Variants in RFX3 observed in about 807,000 individuals in gnomAD.
RFX3 encodes regulatory factor X3, also known as transcription factor RFX3.
In RFX3, 14 loss-of-function variants were observed where a neutral mutation model predicts 98.6. The observed-to-expected ratio is 0.14, with a 90% CI of 0.09 to 0.22. The LOEUF (loss-of-function observed/expected upper bound fraction) is 0.22, where lower values mean the gene tolerates loss of function less well. Ranked by LOEUF, RFX3 falls within the 10% of genes least tolerant of loss-of-function variation. The pLI is 1.00. For synonymous variants in RFX3, 383 were observed against 328.4 expected (o/e 1.17, Z -1.80); for missense variants, 639 against 926.9 (o/e 0.69, Z 4.03).
chr9:3,356,963 GCACACACACGCA>G (rs1191955936), intron 2 of RFX3, among the ~76,000 whole-genome samples: 13 of 140,918 alleles, frequency 9.2e-5, no homozygotes, highest in African/African-American at 3.7e-4. Flanking sequence ...ATACACACAT[GCACACACACGCA>G]CACACACACA....
chr9:3,270,603 G>A (rs1245294436), intron 10 of RFX3, 78 bp from the exon 11 acceptor site: 1 of 1,415,452 alleles, frequency 7.1e-7, no homozygotes, highest in Non-Finnish European at 9.7e-7. Context: ...AATAGTTTAA[G>A]TTTACCAAAT....
At chr9:3,445,254 T>TTGAGAGAAGGGAGCATTTATAATGTTTAC (rs541199786) in intron 1 of RFX3, among the ~76,000 whole-genome samples, 3,760 of 152,086 alleles carry the variant, frequency 0.025, 62 homozygotes, top group Non-Finnish European at 0.04. Flanking sequence ...TATAAATTTA[T>TTGAGAGAAGGGAGCATTTATAATGTTTAC]TGAGAGAAGG....
intron 2 of RFX3, among the ~76,000 whole-genome samples, chr9:3,383,131 A>T (rs944291832): frequency 6.6e-6 from 1 of 152,100 alleles, no homozygotes; most frequent in Non-Finnish European, 1.5e-5. Flanking sequence ...AGATGCTAAT[A>T]TTTTACTACA....
intron 1 of RFX3, among the ~76,000 whole-genome samples, chr9:3,417,394 CA>C (rs1843075721): frequency 6.6e-6 from 1 of 151,984 alleles, no homozygotes; most frequent in South Asian, 2.1e-4. Flanking sequence ...CAAGTACACA[CA>C]AAACATTTAA....
intron 1 of RFX3, among the ~76,000 whole-genome samples, chr9:3,411,637 A>G (rs998074763): frequency 6.7e-6 from 1 of 148,236 alleles, no homozygotes; most frequent in African/African-American, 2.5e-5. Context: ...CACCACATCC[A>G]GCTAATTTTT....
intron 3 of RFX3, 125 bp downstream of exon 3, chr9:3,346,542 T>A (rs1834458367): frequency 3.9e-6 from 2 of 506,552 alleles, no homozygotes; most frequent in East Asian, 3.4e-5. Context: ...TTAATTTCAA[T>A]AACTGTTCTA....
At chr9:3,489,348 C>A in intron 1 of RFX3, 2 of 807,444 alleles carry the variant, frequency 2.5e-6, no homozygotes, top group Non-Finnish European at 3.0e-6. Context: ...TCCACCCCAC[C>A]CTGACTCCTG....
chr9:3,369,797 G>C (rs1410400572), intron 2 of RFX3, among the ~76,000 whole-genome samples: 2 of 152,062 alleles, frequency 1.3e-5, no homozygotes, highest in Non-Finnish European at 2.9e-5. Context: ...TGACGAATTA[G>C]ATTTACAGAG....
chr9:3,407,045 A>C (rs1842034859), intron 1 of RFX3, among the ~76,000 whole-genome samples: 1 of 152,218 alleles, frequency 6.6e-6, no homozygotes. Context: ...GTCATCTTAG[A>C]ATAAGTGGCC....
At chr9:3,307,673 A>G (rs894310181) in intron 4 of RFX3, among the ~76,000 whole-genome samples, 1 of 152,200 alleles carries the variant, frequency 6.6e-6, no homozygotes, top group Non-Finnish European at 1.5e-5. Flanking sequence ...TATCAAACAC[A>G]TTGACATGAA....
At chr9:3,311,813 G>A (rs1478110702) in intron 4 of RFX3, among the ~76,000 whole-genome samples, 1 of 151,828 alleles carries the variant, frequency 6.6e-6, no homozygotes, top group East Asian at 1.9e-4. Flanking sequence ...GAATCTGGGA[G>A]GCAGAGGTTC....
chr9:3,292,938 G>T, intron 6 of RFX3, 139 bp downstream of exon 6: 1 of 584,626 alleles, frequency 1.7e-6, no homozygotes, highest in Admixed American at 3.7e-5. Flanking sequence ...CCTTTTCCTG[G>T]GGATGTTATA....
At chr9:3,247,536 A>G in intron 15 of RFX3, 1 of 989,104 alleles carries the variant, frequency 1.0e-6, no homozygotes, top group Non-Finnish European at 1.3e-6. Flanking sequence ...CATGTAAAAA[A>G]CATAGAACTG....
intron 1 of RFX3, among the ~76,000 whole-genome samples, chr9:3,404,535 G>C (rs1294295658): frequency 6.6e-6 from 1 of 151,928 alleles, no homozygotes; most frequent in Non-Finnish European, 1.5e-5. Context: ...GCATTTTCTT[G>C]CCTCCAGAAA....
chr9:3,404,276 A>T (rs775391603), intron 1 of RFX3, among the ~76,000 whole-genome samples: 13 of 152,148 alleles, frequency 8.5e-5, no homozygotes, highest in Non-Finnish European at 1.8e-4. Flanking sequence ...TTTTACATTG[A>T]TTTTCATTAT....
chr9:3,417,633 C>T (rs998083831), intron 1 of RFX3, among the ~76,000 whole-genome samples: 2 of 152,116 alleles, frequency 1.3e-5, no homozygotes, highest in Non-Finnish European at 2.9e-5. Context: ...ATACTATCAT[C>T]TGTGAGATGC....
intron 2 of RFX3, among the ~76,000 whole-genome samples, chr9:3,357,190 G>A (rs544694351): frequency 6.6e-6 from 1 of 151,886 alleles, no homozygotes; most frequent in East Asian, 1.9e-4. Flanking sequence ...AAAATAACCA[G>A]GACACAAAAT....
intron 1 of RFX3, among the ~76,000 whole-genome samples, chr9:3,413,707 T>C (rs1474590712): frequency 6.6e-6 from 1 of 152,134 alleles, no homozygotes; most frequent in Non-Finnish European, 1.5e-5. Flanking sequence ...TTAACACCTT[T>C]TGAGTAGAGA....
Position 3,305,267 on chromosome 9 carries a change from T to C in RFX3, c.475-3647A>G, listed in dbSNP as rs527949876. Among the ~76,000 whole-genome samples the C allele has an allele frequency of 2.2e-4, 33 of 152,074 alleles. 1 individual carries two copies. In the East Asian group the frequency reaches 5.6e-3, roughly 26 times the overall value. ...GAAAAAATAGGTTGGAAGTAGATAATGTATGCGGGAATCAGGGAAAAAGCA... is the reference window on the plus strand; with the variant it reads ...GAAAAAATAGGTTGGAAGTAGATAACGTATGCGGGAATCAGGGAAAAAGCA... On this transcript the variant is annotated intron_variant, in intron 4 of 16. Transcript: ENST00000617270.
Sources: allele counts gnomAD v4.1 joint callset (sites outside exome capture counted in the v4.1 genomes callset), GRCh38; gene constraint gnomAD v4.1.1; transcripts MANE v1.5; gene names NCBI Gene and HGNC (gene_info 2026-07-23, HGNC 2026-07-21).